The following CHL1 variants were observed in gnomAD, a reference collection of about 807,000 sequenced individuals.
The protein encoded by CHL1 is cell adhesion molecule L1 like, also known as neural cell adhesion molecule L1-like protein.
A neutral mutation model predicts 141.9 loss-of-function variants in CHL1; 96 were observed. The observed-to-expected ratio is 0.68, with a 90% CI of 0.57 to 0.80. The LOEUF is 0.80. Ranked by LOEUF, CHL1 falls within the 30% of genes least tolerant of loss-of-function variation. The pLI is 0.00. For synonymous variants in CHL1, 613 were observed against 502.2 expected (o/e 1.22, Z -2.95); for missense variants, 1,820 against 1,457.2 (o/e 1.25, Z -4.05).
chr3:210,309 C>T (rs1322163071), intron 1 of CHL1, among the ~76,000 whole-genome samples: 4 of 152,236 alleles, frequency 2.6e-5, no homozygotes, highest in Non-Finnish European at 5.9e-5. Context: ...TATGAAATCT[C>T]ATGAATTGTA....
chr3:369,238 T>C (rs1705308577), intron 15 of CHL1, among the ~76,000 whole-genome samples: 1 of 151,790 alleles, frequency 6.6e-6, no homozygotes, highest in Non-Finnish European at 1.5e-5. Flanking sequence ...GGATGGGATT[T>C]TTTTTTTTCA....
At chr3:255,026 T>G (rs1290516780) in intron 2 of CHL1, among the ~76,000 whole-genome samples, 6 of 152,184 alleles carry the variant, frequency 3.9e-5, no homozygotes, top group African/African-American at 1.2e-4. Flanking sequence ...TCTCCATCTC[T>G]AGCTACAATT....
intron 5 of CHL1, among the ~76,000 whole-genome samples, chr3:333,988 G>T (rs1701665915): frequency 6.6e-6 from 1 of 151,852 alleles, no homozygotes; most frequent in Admixed American, 6.6e-5. Context: ...ACAGGATCTT[G>T]CTCTGTTGCC....
intron 3 of CHL1, among the ~76,000 whole-genome samples, chr3:321,495 G>A (rs1700561971): frequency 6.6e-6 from 1 of 152,062 alleles, no homozygotes; most frequent in African/African-American, 2.4e-5. Flanking sequence ...TGGTAATCCT[G>A]TGGAAAAATG....
intron 27 of CHL1, among the ~76,000 whole-genome samples, chr3:403,320 C>T (rs1037831331): frequency 3.3e-5 from 5 of 152,170 alleles, no homozygotes; most frequent in Non-Finnish European, 7.3e-5. Context: ...GATATCCCAT[C>T]ACTTTTGTTG....
chr3:288,810 G>A (rs756174330), intron 2 of CHL1, among the ~76,000 whole-genome samples: 3 of 152,140 alleles, frequency 2.0e-5, no homozygotes, highest in Non-Finnish European at 4.4e-5. Context: ...AGTGAAGACA[G>A]CTTATCATTA....
intron 2 of CHL1, among the ~76,000 whole-genome samples, chr3:300,198 G>A (rs757786812): frequency 1.3e-5 from 2 of 152,122 alleles, no homozygotes; most frequent in Non-Finnish European, 2.9e-5. Flanking sequence ...ACCATTGAGG[G>A]GACCCAAGAT....
At chr3:362,609 C>T (rs1355501924) in intron 13 of CHL1, among the ~76,000 whole-genome samples, 1 of 139,198 alleles carries the variant, frequency 7.2e-6, no homozygotes, top group Non-Finnish European at 1.6e-5. Context: ...TGGACCGCAT[C>T]CACAGCTTAT....
chr3:242,711 GATT>G (rs1378871456), intron 1 of CHL1, among the ~76,000 whole-genome samples: 3 of 148,400 alleles, frequency 2.0e-5, no homozygotes, highest in Non-Finnish European at 3.0e-5. Flanking sequence ...GAGAGAGAGA[GATT>G]AGATTAGTAG....
intron 2 of CHL1, among the ~76,000 whole-genome samples, chr3:263,197 T>A (rs1694878622): frequency 1.3e-5 from 2 of 152,146 alleles, no homozygotes; most frequent in Non-Finnish European, 2.9e-5. Flanking sequence ...CCAACTTCTG[T>A]CCACTCAAGT....
intron 3 of CHL1, 120 bp downstream of exon 3, chr3:319,987 C>A: frequency 1.6e-6 from 1 of 611,764 alleles, no homozygotes; most frequent in Non-Finnish European, 2.8e-6. Context: ...TATTCTTTAG[C>A]AATCTGTCAT....
chr3:301,694 A>C (rs1698752785), intron 2 of CHL1, among the ~76,000 whole-genome samples: 1 of 152,212 alleles, frequency 6.6e-6, no homozygotes, highest in Admixed American at 6.5e-5. Flanking sequence ...TACATTGTGC[A>C]ATTACTACAT....
intron 1 of CHL1, among the ~76,000 whole-genome samples, chr3:214,577 C>T (rs916157538): frequency 6.6e-6 from 1 of 152,046 alleles, no homozygotes; most frequent in South Asian, 2.1e-4. Context: ...TTATACATTG[C>T]ATTTTAATTA....
intron 2 of CHL1, among the ~76,000 whole-genome samples, chr3:307,793 G>C (rs1236200119): frequency 6.6e-6 from 1 of 152,148 alleles, no homozygotes; most frequent in East Asian, 1.9e-4. Flanking sequence ...CATTTGACTA[G>C]AGATTTAGAA....
At chr3:253,860 G>C (rs543964155) in intron 2 of CHL1, among the ~76,000 whole-genome samples, 1 of 152,220 alleles carries the variant, frequency 6.6e-6, no homozygotes, top group African/African-American at 2.4e-5. Flanking sequence ...AATTAAAATT[G>C]CATCTGTATT....
chr3:375,475 A>C (rs971191364), intron 15 of CHL1, among the ~76,000 whole-genome samples: 17 of 151,908 alleles, frequency 1.1e-4, no homozygotes, highest in Non-Finnish European at 1.6e-4. Flanking sequence ...GAAGGGGAGA[A>C]GTTGAAGATG....
intron 2 of CHL1, among the ~76,000 whole-genome samples, chr3:310,389 T>C (rs1292685442): frequency 6.6e-6 from 1 of 152,180 alleles, no homozygotes; most frequent in Non-Finnish European, 1.5e-5. Context: ...TCACCACTGC[T>C]GTTATCAGTC....
rs61753564 is a variant in CHL1, at chr3:399,099, A to G, written c.3336A>G (p.Leu1112=). 185 of 1,607,320 alleles carry G rather than the reference A, an allele frequency of 1.2e-4. No individual in the cohort carries two copies. The African/African-American group carries it at 1.6e-3, about 14-fold the overall frequency. Residue 1112 remains leucine (L), a synonymous_variant, in exon 26 of 28, where the codon CTA becomes CTG. Transcript: ENST00000256509. The stretch of plus-strand genomic sequence containing the variant: ...GTGCGATTGCTCTTCTCACACTACT[A>G]TTATTAACTGTTTGCTTTGTGAAGA... ...LMCAIALLTL[L]LLTVCFVKRN...
chr3:337,370 TA>T (rs11283973), intron 5 of CHL1, among the ~76,000 whole-genome samples: 129,428 of 150,532 alleles, frequency 0.86, 55,745 homozygotes, highest in East Asian at 0.99. Context: ...TTTTTATATA[TA>T]TTTTTTAAAT....
Sources: gnomAD v4.1 joint callset for allele counts (sites outside exome capture counted in the v4.1 genomes callset) on GRCh38, gnomAD v4.1.1 for gene constraint, MANE v1.5 for transcripts, NCBI Gene and HGNC (gene_info 2026-07-23, HGNC 2026-07-21) for gene names.